RIMS2: variants seen among roughly 807,000 people sequenced by gnomAD.
The protein encoded by RIMS2 is regulating synaptic membrane exocytosis 2, also known as regulating synaptic membrane exocytosis protein 2.
In RIMS2, 59 loss-of-function variants were observed where a neutral mutation model predicts 174.4. That is an observed-to-expected ratio of 0.34 (90% CI 0.27 to 0.42). The LOEUF (loss-of-function observed/expected upper bound fraction) is 0.42. Among genes scored for constraint, RIMS2 ranks in the 10% least tolerant of loss-of-function variants. RIMS2 has a pLI of 1.00. For missense variants in RIMS2, 1,620 were observed against 1,666.3 expected, an observed-to-expected ratio of 0.97 and a Z score of 0.48; for synonymous variants, 606 against 572.5, an observed-to-expected ratio of 1.06 and a Z score of -0.84.
chr8:103,766,599 A>G (rs1310425762), intron 3 of RIMS2, 62 bp downstream of exon 6: 16 of 1,078,110 alleles, frequency 1.5e-5, no homozygotes, highest in African/African-American at 3.2e-5. Context: ...CCAAACAGAG[A>G]TAACAATACA....
At chr8:103,819,261 G>GA in intron 3 of RIMS2, 1 of 1,312,176 alleles carries the variant, frequency 7.6e-7, no homozygotes, top group Middle Eastern at 3.0e-4. Flanking sequence ...CTGCTGTTTA[G>GA]AATTCTTGCT....
chr8:103,628,296 T>C (rs1448770543), intron 1 of RIMS2, among the ~76,000 whole-genome samples: 1 of 150,576 alleles, frequency 6.6e-6, no homozygotes, highest in African/African-American at 2.4e-5. Context: ...GAAAATAAAG[T>C]GGACTGGATA....
chr8:103,675,881 C>A (rs547920193), intron 1 of RIMS2, among the ~76,000 whole-genome samples: 1 of 152,150 alleles, frequency 6.6e-6, no homozygotes, highest in Non-Finnish European at 1.5e-5. Flanking sequence ...TCTCTATTTA[C>A]TCTATCAGTC....
intron 1 of RIMS2, among the ~76,000 whole-genome samples, chr8:103,654,662 T>G (rs2096501171): frequency 6.6e-6 from 1 of 151,950 alleles, no homozygotes; most frequent in Admixed American, 6.6e-5. Context: ...TTTAATTCAC[T>G]TACTCTCTAT....
chr8:104,023,005 A>G, intron 19 of RIMS2, among the ~76,000 whole-genome samples: 1 of 152,276 alleles, frequency 6.6e-6, no homozygotes, highest in Non-Finnish European at 1.5e-5. Context: ...AGATTTGGTT[A>G]TTCAGTTTGT....
rs945454737 is a variant in RIMS2 at position 103,932,595 on chromosome 8, A to G, written c.2375+1202A>G. Among the ~76,000 whole-genome samples the G allele has an allele frequency of 3.9e-5, 6 of 152,334 alleles. No homozygotes were observed. The East Asian group carries it at 7.7e-4, about 20-fold the overall frequency. On this transcript the variant is annotated intron_variant, in intron 12 of 23. Transcript: ENST00000504942. ...GGGAAGAGGTCATCCATAATCATCT[A>G]TGCTTTTGTGCACATTACTTAAGTT...
At chr8:103,924,021 C>G (rs10089984) in intron 10 of RIMS2, among the ~76,000 whole-genome samples, 1,768 of 151,664 alleles carry the variant, frequency 0.012, 34 homozygotes, top group African/African-American at 0.039. Flanking sequence ...ACCTAAATCA[C>G]TATTATAGGT....
At chr8:104,188,237 A>AGATAGAT (rs1554594397) in intron 19 of RIMS2, among the ~76,000 whole-genome samples, 2 of 138,872 alleles carry the variant, frequency 1.4e-5, no homozygotes, top group African/African-American at 5.6e-5. Context: ...ATAGATAGAT[A>AGATAGAT]GATAGATAGA....
chr8:103,824,859 T>C (rs1399184156), intron 3 of RIMS2, among the ~76,000 whole-genome samples: 1 of 152,236 alleles, frequency 6.6e-6, no homozygotes, highest in Non-Finnish European at 1.5e-5. Context: ...TCCTTTGAAA[T>C]GTGAGACGTA....
chr8:104,102,703 T>G (rs4471001), intron 19 of RIMS2, among the ~76,000 whole-genome samples: 115,784 of 152,032 alleles, frequency 0.76, 44,713 homozygotes, highest in East Asian at 0.92. Flanking sequence ...ACGGCAGCAG[T>G]CAAGAGACCA....
intron 1 of RIMS2, among the ~76,000 whole-genome samples, chr8:103,550,470 A>C (rs7825842): frequency 0.18 from 27,668 of 152,184 alleles, 2,757 homozygotes; most frequent in African/African-American, 0.26. Flanking sequence ...ATAGAGGGAA[A>C]TTTATAGCAC....
chr8:103,654,260 TGTGA>T (rs1474429730), intron 1 of RIMS2, among the ~76,000 whole-genome samples: 1 of 151,986 alleles, frequency 6.6e-6, no homozygotes, highest in Non-Finnish European at 1.5e-5. Context: ...TGACATATTT[TGTGA>T]GTAACTTTTA....
intron 3 of RIMS2, among the ~76,000 whole-genome samples, chr8:103,803,079 C>T (rs183521065): frequency 4.9e-4 from 74 of 152,094 alleles, no homozygotes; most frequent in Non-Finnish European, 7.9e-4. Flanking sequence ...GCAATCCCTG[C>T]TCTAACTGTG....
intron 19 of RIMS2, among the ~76,000 whole-genome samples, chr8:104,208,708 G>C (rs1308935618): frequency 6.6e-6 from 1 of 152,200 alleles, no homozygotes; most frequent in Non-Finnish European, 1.5e-5. Context: ...GGGAAGTCCT[G>C]TGGGATAATA....
At chr8:104,243,098 A>G (rs1466740191) in intron 19 of RIMS2, among the ~76,000 whole-genome samples, 1 of 152,160 alleles carries the variant, frequency 6.6e-6, no homozygotes, top group Non-Finnish European at 1.5e-5. Flanking sequence ...TGTAAAGAAG[A>G]TCTTTCCCTT....
chr8:103,548,993 C>A (rs1241232927), intron 1 of RIMS2, among the ~76,000 whole-genome samples: 1 of 151,972 alleles, frequency 6.6e-6, no homozygotes, highest in Admixed American at 6.6e-5. Flanking sequence ...ATGAGAATTA[C>A]AAAACATTGC....
chr8:103,934,022 G>A (rs1307612702), intron 12 of RIMS2, among the ~76,000 whole-genome samples: 1 of 151,926 alleles, frequency 6.6e-6, no homozygotes, highest in Non-Finnish European at 1.5e-5. Flanking sequence ...AATGTACTGT[G>A]TACTCTAAAA....
chr8:103,642,729 CTT>C (rs1351247254), intron 1 of RIMS2, among the ~76,000 whole-genome samples: 1 of 151,922 alleles, frequency 6.6e-6, no homozygotes, highest in Admixed American at 6.6e-5. Context: ...TTATTCAACA[CTT>C]TAGATATTTC....
At chr8:104,151,130 TAAAGAGCAA>T in intron 19 of RIMS2, among the ~76,000 whole-genome samples, 1 of 152,294 alleles carries the variant, frequency 6.6e-6, no homozygotes, top group South Asian at 2.1e-4. Context: ...AGGGAATTTT[TAAAGAGCAA>T]AATTAGTAGT....
Sources: allele counts gnomAD v4.1 joint callset (sites outside exome capture counted in the v4.1 genomes callset), GRCh38; gene constraint gnomAD v4.1.1; transcripts MANE v1.5; gene names NCBI Gene and HGNC (gene_info 2026-07-23, HGNC 2026-07-21).